NET1: variants seen among roughly 807,000 people sequenced by gnomAD.
The protein encoded by NET1 is neuroepithelial cell-transforming gene 1 protein.
Under a neutral mutation model 61.1 loss-of-function variants are expected in NET1, and 42 were observed. The observed-to-expected ratio is 0.69, with a 90% CI of 0.54 to 0.89. NET1 has a LOEUF of 0.89. Ranked by LOEUF, NET1 falls within the 40% of genes least tolerant of loss-of-function variation. The pLI is 0.00. For synonymous variants in NET1, 254 were observed against 281.8 expected (o/e 0.90, Z 0.99); for missense variants, 654 against 747.3 (o/e 0.88, Z 1.46).
chr10:5,436,971 G>C (rs1247559520), intron 3 of NET1, among the ~76,000 whole-genome samples: 3 of 152,142 alleles, frequency 2.0e-5, no homozygotes, highest in Non-Finnish European at 2.9e-5. Context: ...GGTGTTCTTG[G>C]CCAAAAATAA....
In NET1 at chr10:5,412,564, C is replaced by T; in HGVS notation, c.-129C>T. On this transcript the variant is annotated 5_prime_UTR_variant, in exon 1 of 12. Transcript: ENST00000355029. This position sits in a 1 kb window ranked among gnomAD's most constrained non-coding sequence, Gnocchi z 6.5. Reference sequence around the variant, plus strand: ...TGCTCAGCCGCCATTTTCAAATCCCCGGATGACGGCGGTGGCGGCTGCAGT... The same window carrying T: ...TGCTCAGCCGCCATTTTCAAATCCCTGGATGACGGCGGTGGCGGCTGCAGT... 3.9e-6 allele frequency: 4 copies of T among 1,012,952 alleles called. No homozygotes were observed. Among genetic ancestry groups the T allele is most frequent in the Non-Finnish European group, 4.0e-6 (3 of 742,060 alleles). 62.7% of individuals were successfully genotyped at this position (1,012,952 alleles called of 1,614,324 possible). A position where few individuals can be genotyped will look rare whatever the true frequency, so the allele number is the denominator to read the frequency against.
At position 5,446,952 on chromosome 10, in the gene NET1, A is replaced by C; in HGVS notation, c.256-4878A>C. 1 of 967,736 alleles carries C rather than the reference A, an allele frequency of 1.0e-6. No individual in the cohort carries two copies. Among genetic ancestry groups the C allele is most frequent in the East Asian group, 2.6e-5 (1 of 37,818 alleles). 59.9% of individuals were successfully genotyped at this position (967,736 alleles called of 1,614,324 possible). ...AACAAGGTATTAACAGTATAATTTT[A>C]AACTTTTGATCTTATTATTACAATG... On this transcript the variant is annotated intron_variant, in intron 3 of 11. Transcript: ENST00000355029. This position sits in a 1 kb window ranked among gnomAD's most constrained non-coding sequence, Gnocchi z 5.0.
At position 5,443,597 on chromosome 10, in the gene NET1, TTC is replaced by T. The variant is rs1413005416; in HGVS notation, c.256-8232_256-8231del. Among the ~76,000 whole-genome samples, 5 of 152,178 alleles carry T rather than the reference TTC, an allele frequency of 3.3e-5. No homozygotes were observed. The highest frequency in any genetic ancestry group is 7.4e-5 in the Non-Finnish European group (5 of 68,026). On this transcript the variant is annotated intron_variant, in intron 3 of 11. Coordinates refer to ENST00000355029, the MANE Select transcript of NET1 (RefSeq NM_001047160.3). The surrounding 1 kb of genome is among the most constrained non-coding windows in gnomAD (Gnocchi z 4.8). ...TTGAGTCCAGTTGAACTTCCGCATGTTCATCATTCCTTTTTTAGATGCTGTCT... is the reference window on the plus strand; with the variant it reads ...TTGAGTCCAGTTGAACTTCCGCATGTATCATTCCTTTTTTAGATGCTGTCT...
At chr10:5,445,623 T>C (rs557157504) in intron 3 of NET1, among the ~76,000 whole-genome samples, 1 of 152,240 alleles carries the variant, frequency 6.6e-6, no homozygotes, top group Non-Finnish European at 1.5e-5. Flanking sequence ...GAATAACGAA[T>C]TTTGTGTTTA....
chr10:5,446,501 GCT>G lies in NET1; in HGVS notation c.256-5325_256-5324del. 1 of 1,014,894 alleles carries G rather than the reference GCT, an allele frequency of 9.9e-7. No individual in the cohort carries two copies. Among genetic ancestry groups the G allele is most frequent in the East Asian group, 5.7e-5 (1 of 17,486 alleles). The allele number at this position is 1,014,894 out of a possible 1,614,324, so 62.9% of individuals were successfully genotyped here. A position where few individuals can be genotyped will look rare whatever the true frequency, so the allele number is the denominator to read the frequency against. On this transcript the variant is annotated intron_variant, in intron 3 of 11. Transcript: ENST00000355029. This position sits in a 1 kb window ranked among gnomAD's most constrained non-coding sequence, Gnocchi z 5.0. ...AAGCTGAGAGGCCTAGGTGTGCCCAGCTCTCAGTTAACTGAAGTCACGTGGTG... is the reference window on the plus strand; with the variant it reads ...AAGCTGAGAGGCCTAGGTGTGCCCAGCTCAGTTAACTGAAGTCACGTGGTG...
chr10:5,425,801 G>A (rs1248851685), intron 1 of NET1, among the ~76,000 whole-genome samples: 2 of 152,090 alleles, frequency 1.3e-5, no homozygotes, highest in Non-Finnish European at 1.5e-5. Flanking sequence ...TCTTTTGGTT[G>A]ATCTTCATTT....
chr10:5,417,844 A>G lies in NET1; in HGVS notation c.128+5024A>G, dbSNP rs1832107150. Among the ~76,000 whole-genome samples, 3 of 152,086 alleles carry G rather than the reference A, an allele frequency of 2.0e-5. No homozygotes were observed. Among genetic ancestry groups the G allele is most frequent in the Admixed American group, 2.0e-4 (3 of 15,264 alleles). Reference sequence around the variant, plus strand: ...TCCTTTATCAGGTTGAGGAAGTTCCATTCTGTTACTAGTTTTTGAGTGGTT... The same window carrying G: ...TCCTTTATCAGGTTGAGGAAGTTCCGTTCTGTTACTAGTTTTTGAGTGGTT... On this transcript the variant is annotated intron_variant, in intron 1 of 11. Coordinates refer to ENST00000355029, the MANE Select transcript of NET1 (RefSeq NM_001047160.3). The surrounding 1 kb of genome is among the most constrained non-coding windows in gnomAD (Gnocchi z 5.5).
chr10:5,439,823 G>C lies in NET1; in HGVS notation c.255+10594G>C, dbSNP rs954814619. Among the ~76,000 whole-genome samples the C allele has an allele frequency of 2.6e-5, 4 of 152,216 alleles. No homozygotes were observed. Among genetic ancestry groups the C allele is most frequent in the African/African-American group, 9.6e-5 (4 of 41,468 alleles). ...TATACCAGGTCACATGGCCTGAACA[G>C]CAGGGCAGTTTGCACCACAGCCTGG... On this transcript the variant is annotated intron_variant, in intron 3 of 11. Coordinates refer to ENST00000355029, the MANE Select transcript of NET1 (RefSeq NM_001047160.3). This position sits in a 1 kb window ranked among gnomAD's most constrained non-coding sequence, Gnocchi z 4.8.
rs1349348226 is a variant in NET1, at chr10:5,421,781, G to C, written c.129-4874G>C. Among the ~76,000 whole-genome samples, 1 of 152,034 alleles carries C rather than the reference G, an allele frequency of 6.6e-6. No individual in the cohort carries two copies. The highest frequency in any genetic ancestry group is 2.4e-5 in the African/African-American group (1 of 41,382). ...ACATTTCATCACCCCAAATATCCCT[G>C]CTCCCACCCCAGCCCTAGGCAGCCA... On this transcript the variant is annotated intron_variant, in intron 1 of 11. Transcript: ENST00000355029. This position sits in a 1 kb window ranked among gnomAD's most constrained non-coding sequence, Gnocchi z 4.2.
At position 5,423,686 on chromosome 10, in the gene NET1, T is replaced by G. The variant is rs551190838; in HGVS notation, c.129-2969T>G. On this transcript the variant is annotated intron_variant, in intron 1 of 11. Transcript: ENST00000355029. This position sits in a 1 kb window ranked among gnomAD's most constrained non-coding sequence, Gnocchi z 4.4. ...CATTTCATCCTTTAAGCCCTCCTTT[T>G]TAGGAGGTTATTCTGTGTATCCTCT... Among the ~76,000 whole-genome samples, 265 of 152,300 alleles carry G rather than the reference T, an allele frequency of 1.7e-3. 1 individual carries two copies. Among genetic ancestry groups the G allele is most frequent in the African/African-American group, 5.9e-3 (247 of 41,574 alleles).
rs4881437 is a variant in NET1 at position 5,423,708 on chromosome 10, C to T, written c.129-2947C>T. Reference sequence around the variant, plus strand: ...TTTTTAGGAGGTTATTCTGTGTATCCTCTGGAAAAATAACTTGCAATCTTA... The same window carrying T: ...TTTTTAGGAGGTTATTCTGTGTATCTTCTGGAAAAATAACTTGCAATCTTA... On this transcript the variant is annotated intron_variant, in intron 1 of 11. Coordinates refer to ENST00000355029, the MANE Select transcript of NET1 (RefSeq NM_001047160.3). This position sits in a 1 kb window ranked among gnomAD's most constrained non-coding sequence, Gnocchi z 4.4. Among the ~76,000 whole-genome samples, 147,666 of 152,216 alleles carry T rather than the reference C, an allele frequency of 0.97. 71,740 individuals are homozygous for T. The highest frequency in any genetic ancestry group is 1 in the Non-Finnish European group (67,955 of 68,002).
At position 5,457,082 on chromosome 10, in the gene NET1, G is replaced by A; in HGVS notation, c.*88G>A. ...TTTCTCGTAAGGGGAGCATCATAGG[G>A]TTACTTTATACCAGTTGTAACATTT... On this transcript the variant is annotated 3_prime_UTR_variant, in exon 12 of 12. Coordinates refer to ENST00000355029, the MANE Select transcript of NET1 (RefSeq NM_001047160.3). The surrounding 1 kb of genome is among the most constrained non-coding windows in gnomAD (Gnocchi z 5.4). 7.6e-7 allele frequency: 1 copy of A among 1,309,840 alleles called. No homozygotes were observed. The allele number at this position is 1,309,840 out of a possible 1,614,324, so 81.1% of individuals were successfully genotyped here.
intron 3 of NET1, among the ~76,000 whole-genome samples, chr10:5,436,183 GTGTT>G (rs1485282271): frequency 2.3e-5 from 1 of 42,714 alleles, no homozygotes; most frequent in Non-Finnish European, 4.5e-5. Flanking sequence ...GTGTGTGTGT[GTGTT>G]GTGTGTGTGT....
chr10:5,454,271 C>T lies in NET1; in HGVS notation c.775C>T (p.Arg259Cys), dbSNP rs758204951. 1.6e-5 allele frequency: 26 copies of T among 1,611,344 alleles called. No individual in the cohort carries two copies. The highest frequency in any genetic ancestry group is 2.7e-5 in the African/African-American group (2 of 74,682). The change falls in exon 9 of 12, where the codon CGC becomes TGC. Residue 259 changes from arginine (R) to cysteine (C), a missense_variant. Arg to Cys is a radical substitution (Grantham distance 180). Coordinates refer to ENST00000355029, the MANE Select transcript of NET1 (RefSeq NM_001047160.3). This position sits in a 1 kb window ranked among gnomAD's most constrained non-coding sequence, Gnocchi z 8.1. The part of the protein sequence containing the change: ...IGHILVSWLP[R>C]LNAYRGYCSN... ...TTCTTTTATTACTCTTCAGTTACCG[C>T]GCTTGAATGCCTACAGAGGTTACTG...
chr10:5,420,928 T>C lies in NET1; in HGVS notation c.129-5727T>C, dbSNP rs1387700308. On this transcript the variant is annotated intron_variant, in intron 1 of 11. Transcript: ENST00000355029. The surrounding 1 kb of genome is among the most constrained non-coding windows in gnomAD (Gnocchi z 5.3). The stretch of plus-strand genomic sequence containing the variant: ...CTTTCTAAAGAACCCTAGGTTATAC[T>C]ACATGATTGAGAGCTCAGAACGAGG... 1.3e-5 allele frequency among the ~76,000 whole-genome samples: 2 copies of C among 152,156 alleles called. No homozygotes were observed. The highest frequency in any genetic ancestry group is 4.8e-5 in the African/African-American group (2 of 41,436).
Position 5,447,821 on chromosome 10 carries a change from G to GT in NET1, c.256-4008dup, listed in dbSNP as rs1832640900. Reference sequence around the variant, plus strand: ...CTATGTGTCGGTTTTCTCAAAATGTGTAAGTATTTCCTTTGAGTAGAGCAG... The same window carrying GT: ...CTATGTGTCGGTTTTCTCAAAATGTGTTAAGTATTTCCTTTGAGTAGAGCAG... On this transcript the variant is annotated intron_variant, in intron 3 of 11. Transcript: ENST00000355029. This position sits in a 1 kb window ranked among gnomAD's most constrained non-coding sequence, Gnocchi z 4.1. Among the ~76,000 whole-genome samples, 1 of 151,510 alleles carries GT rather than the reference G, an allele frequency of 6.6e-6. No homozygotes were observed. Among genetic ancestry groups the GT allele is most frequent in the African/African-American group, 2.4e-5 (1 of 41,208 alleles).
At chr10:5,436,369 G>A (rs1350589696) in intron 3 of NET1, among the ~76,000 whole-genome samples, 1 of 144,162 alleles carries the variant, frequency 6.9e-6, no homozygotes, top group African/African-American at 2.6e-5. Context: ...AGGTTCAAGT[G>A]ATTTTCCTGC....
At position 5,453,236 on chromosome 10, in the gene NET1, C is replaced by T. The variant is rs781763319; in HGVS notation, c.595-14C>T. On this transcript the variant is annotated splice_polypyrimidine_tract_variant and intron_variant, in intron 6 of 11. Transcript: ENST00000355029. The surrounding 1 kb of genome is among the most constrained non-coding windows in gnomAD (Gnocchi z 4.9). ...CACATGATCTCTCTGTGACACATTTCTCCCCTCTGACAGGCCTATCATGAC... is the reference window on the plus strand; with the variant it reads ...CACATGATCTCTCTGTGACACATTTTTCCCCTCTGACAGGCCTATCATGAC... 5.0e-6 allele frequency: 7 copies of T among 1,407,568 alleles called. No homozygotes were observed. Among genetic ancestry groups the T allele is most frequent in the African/African-American group, 1.4e-5 (1 of 71,044 alleles). 87.2% of individuals were successfully genotyped at this position (1,407,568 alleles called of 1,614,324 possible).
rs1832711062 is a variant in NET1 at position 5,451,840 on chromosome 10, A to G, written c.266A>G (p.Asn89Ser). ...GGTTTGTTTTTATAGGAGCCAAGCAATAAAAGAGTTCGACCTCTGGCTCGT... is the reference window on the plus strand; with the variant it reads ...GGTTTGTTTTTATAGGAGCCAAGCAGTAAAAGAGTTCGACCTCTGGCTCGT... ...LSSLDLKEPS[N>S]KRVRPLARVT... Residue 89 changes from asparagine to serine, a missense_variant, in exon 4 of 12, where the codon AAT becomes AGT. By Grantham distance (46) the Asn-to-Ser change is conservative. Transcript: ENST00000355029. This position sits in a 1 kb window ranked among gnomAD's most constrained non-coding sequence, Gnocchi z 6.1. 6.2e-7 allele frequency: 1 copy of G among 1,613,502 alleles called. No individual in the cohort carries two copies. The highest frequency in any genetic ancestry group is 8.5e-7 in the Non-Finnish European group (1 of 1,179,670).
Sources: gnomAD v4.1 joint callset for allele counts (sites outside exome capture counted in the v4.1 genomes callset) on GRCh38, gnomAD v4.1.1 for gene constraint, Gnocchi (gnomAD v3.1) non-coding constraint, MANE v1.5 for transcripts, NCBI Gene and HGNC (gene_info 2026-07-23, HGNC 2026-07-21) for gene names.